The following CPS1 variants were observed in gnomAD, a reference collection of about 807,000 sequenced individuals.
CPS1 encodes the protein carbamoyl-phosphate synthase [ammonia], mitochondrial.
Under a neutral mutation model 174.6 loss-of-function variants are expected in CPS1, and 109 were observed. That is an observed-to-expected ratio of 0.62 (90% CI 0.53 to 0.73). CPS1 has a LOEUF of 0.73. Among genes scored for constraint, CPS1 ranks in the 30% least tolerant of loss-of-function variants. The pLI is 0.00. For missense variants in CPS1, 1,689 were observed against 1,821.9 expected (o/e 0.93, Z 1.33); for synonymous variants, 637 against 632.0 (o/e 1.01, Z -0.12).
intron 1 of CPS1, among the ~76,000 whole-genome samples, chr2:210,499,511 T>C (rs1327376572): frequency 1.3e-5 from 2 of 152,074 alleles, no homozygotes; most frequent in African/African-American, 4.8e-5. Context: ...CTCCAATCTC[T>C]GGCCCAAGAC....
intron 15 of CPS1, among the ~76,000 whole-genome samples, chr2:210,601,748 G>T (rs916756274): frequency 1.3e-5 from 2 of 151,898 alleles, no homozygotes; most frequent in African/African-American, 4.8e-5. Flanking sequence ...ACTTGAAAAT[G>T]AAAAATCCAT....
At chr2:210,529,798 T>C (rs1696071748) in intron 1 of CPS1, among the ~76,000 whole-genome samples, 1 of 151,992 alleles carries the variant, frequency 6.6e-6, no homozygotes. Flanking sequence ...TTTGGTTTCA[T>C]CTTAACTGCA....
In CPS1 at chr2:210,671,968, T is replaced by C. The variant is rs1701320864; in HGVS notation, c.4102-2934T>C. The C allele has an allele frequency of 2.0e-5, 3 of 152,174 alleles. 1 individual carries two copies. The highest frequency in any genetic ancestry group is 4.1e-4 in the South Asian group (2 of 4,828). The allele number at this position is 152,174 out of a possible 1,614,324, so 9.4% of individuals were successfully genotyped here. A position where few individuals can be genotyped will look rare whatever the true frequency, so the allele number is the denominator to read the frequency against. ...GGTTAATGCAATCTTGACTTCATAT[T>C]ACACAATGAGTGAACGATAGTCTTC... On this transcript the variant is annotated intron_variant, in intron 34 of 37. Transcript: ENST00000233072.
chr2:210,587,740 T>C (rs1249046160), intron 6 of CPS1, among the ~76,000 whole-genome samples: 1 of 152,138 alleles, frequency 6.6e-6, no homozygotes, highest in African/African-American at 2.4e-5. Context: ...ATTTCATTGC[T>C]ACCAGTTGTT....
chr2:210,482,802 A>G (rs1694608177), intron 1 of CPS1, among the ~76,000 whole-genome samples: 4 of 152,174 alleles, frequency 2.6e-5, no homozygotes. Flanking sequence ...TCCCTAAAGT[A>G]TTTCCTAATA....
chr2:210,511,191 C>T (rs1252133193), intron 1 of CPS1, among the ~76,000 whole-genome samples: 1 of 152,110 alleles, frequency 6.6e-6, no homozygotes, highest in African/African-American at 2.4e-5. Context: ...CCATGGAATA[C>T]TATGCAGCCT....
At chr2:210,606,110 A>C (rs2105848894) in intron 17 of CPS1, among the ~76,000 whole-genome samples, 1 of 152,080 alleles carries the variant, frequency 6.6e-6, no homozygotes, top group Non-Finnish European at 1.5e-5. Context: ...GTCCAAGAGA[A>C]CAATTTCATT....
intron 1 of CPS1, among the ~76,000 whole-genome samples, chr2:210,478,318 T>A (rs1038193548): frequency 1.3e-5 from 2 of 152,272 alleles, no homozygotes; most frequent in Non-Finnish European, 2.9e-5. Flanking sequence ...TTTGCCATTC[T>A]AATGAATAAT....
chr2:210,627,590 A>C (rs1473087613), intron 21 of CPS1, among the ~76,000 whole-genome samples: 2 of 152,184 alleles, frequency 1.3e-5, no homozygotes, highest in African/African-American at 2.4e-5. Flanking sequence ...AGAGTCATGC[A>C]CTTCGTATCC....
chr2:210,552,867 G>A (rs1696767118), upstream of CPS1, among the ~76,000 whole-genome samples: 1 of 151,924 alleles, frequency 6.6e-6, no homozygotes, highest in Non-Finnish European at 1.5e-5. Context: ...ATACTGTGAA[G>A]TATTCAACTT....
intron 30 of CPS1, chr2:210,658,295 G>T (rs1327751099): frequency 5.6e-6 from 2 of 355,924 alleles, no homozygotes; most frequent in Non-Finnish European, 1.1e-5. Context: ...AGACTGAAAG[G>T]ATTTCATTTA....
chr2:210,660,637 T>A lies in CPS1; in HGVS notation c.3909T>A (p.Ala1303=). The change falls in exon 32 of 38, where the codon GCT becomes GCA. Residue 1303 remains alanine, a synonymous_variant. Coordinates refer to ENST00000233072, the MANE Select transcript of CPS1 (RefSeq NM_001875.5). ...CATTGGACCATCCCATAATTCCTGC[T>A]GACTATGTTGCAATTAAGGTAACAT... ...LPTLDHPIIP[A]DYVAIKAPMF... 1 of 1,614,136 alleles carries A rather than the reference T, an allele frequency of 6.2e-7. No homozygotes were observed. The highest frequency in any genetic ancestry group is 8.5e-7 in the Non-Finnish European group (1 of 1,179,968).
chr2:210,542,035 C>T (rs1027116875), intron 1 of CPS1, among the ~76,000 whole-genome samples: 1 of 152,102 alleles, frequency 6.6e-6, no homozygotes, highest in African/African-American at 2.4e-5. Flanking sequence ...TTTTTGATCT[C>T]ATATACTCAA....
intron 1 of CPS1, among the ~76,000 whole-genome samples, chr2:210,512,466 T>C (rs190528521): frequency 6.6e-6 from 1 of 151,950 alleles, no homozygotes; most frequent in Non-Finnish European, 1.5e-5. Context: ...TTTGGTTTTT[T>C]GTTCCTGCAT....
chr2:210,608,521 T>C lies in CPS1; in HGVS notation c.2353T>C (p.Ser785Pro). ...RWDLDRFHGT[S>P]SRIGSSMKSV... Reference sequence around the variant, plus strand: ...GGATCTTGACCGTTTTCATGGAACATCTAGCCGAATTGGTAGCTCTATGAA... The same window carrying C: ...GGATCTTGACCGTTTTCATGGAACACCTAGCCGAATTGGTAGCTCTATGAA... Residue 785 changes from serine to proline, a missense_variant, in exon 19 of 38, where the codon TCT becomes CCT. Coordinates refer to ENST00000233072, the MANE Select transcript of CPS1 (RefSeq NM_001875.5). 6.2e-7 allele frequency: 1 copy of C among 1,612,168 alleles called. No individual in the cohort carries two copies. The highest frequency in any genetic ancestry group is 8.5e-7 in the Non-Finnish European group (1 of 1,178,716).
At chr2:210,669,465 G>C (rs147627805) in intron 34 of CPS1, among the ~76,000 whole-genome samples, 1 of 152,174 alleles carries the variant, frequency 6.6e-6, no homozygotes, top group East Asian at 1.9e-4. Flanking sequence ...AATATAATTA[G>C]AACAGTACCA....
chr2:210,562,721 A>G (rs1321253896), intron 1 of CPS1, among the ~76,000 whole-genome samples: 2 of 152,152 alleles, frequency 1.3e-5, no homozygotes, highest in African/African-American at 4.8e-5. Context: ...CTTGGTGAAA[A>G]TGGAAAAAAA....
Position 210,592,960 on chromosome 2 carries a change from C to G in CPS1, c.1164+4C>G, listed in dbSNP as rs369479217. On this transcript the variant is annotated splice_donor_region_variant and intron_variant, in intron 11 of 37. Coordinates refer to ENST00000233072, the MANE Select transcript of CPS1 (RefSeq NM_001875.5). ...CCCGGGGCCAATAGACACTGAGGTACGTCAAAAAGATGAGGCCTATTATGT... is the reference window on the plus strand; with the variant it reads ...CCCGGGGCCAATAGACACTGAGGTAGGTCAAAAAGATGAGGCCTATTATGT... 4 of 1,610,180 alleles carry G rather than the reference C, an allele frequency of 2.5e-6. No individual in the cohort carries two copies. In the African/African-American group the frequency reaches 4.0e-5, roughly 16 times the overall value.
At chr2:210,659,681 C>G (rs1448687005) in intron 31 of CPS1, among the ~76,000 whole-genome samples, 3 of 152,068 alleles carry the variant, frequency 2.0e-5, no homozygotes, top group Admixed American at 2.0e-4. Context: ...AGCCTCTGCT[C>G]TCAAAAAATA....
Sources: gnomAD v4.1 joint callset for allele counts (sites outside exome capture counted in the v4.1 genomes callset) on GRCh38, gnomAD v4.1.1 for gene constraint, MANE v1.5 for transcripts, NCBI Gene and HGNC (gene_info 2026-07-23, HGNC 2026-07-21) for gene names.